Variants in ZNF846 observed in about 807,000 individuals in gnomAD.
ZNF846 encodes the protein zinc finger protein 846, also known as zinc finger protein 420 pseudogene.
In ZNF846, 15 loss-of-function variants were observed where a neutral mutation model predicts 16.0. That is an observed-to-expected ratio of 0.94 (90% CI 0.63 to 1.45). The LOEUF (loss-of-function observed/expected upper bound fraction) is 1.45, where lower values mean the gene tolerates loss of function less well. Among genes scored for constraint, ZNF846 ranks in the 40% most tolerant of loss-of-function variants. The pLI, the probability that ZNF846 is intolerant of heterozygous loss-of-function variation, is 0.00. For missense variants in ZNF846, 714 were observed against 622.3 expected (o/e 1.15, Z -1.57); for synonymous variants, 229 against 212.0 (o/e 1.08, Z -0.70).
intron 1 of ZNF846, among the ~76,000 whole-genome samples, chr19:9,783,526 TAAAA>T (rs1161223088): frequency 0.027 from 2,861 of 106,088 alleles, 149 homozygotes; most frequent in African/African-American, 0.096. Context: ...GTCTCATCAC[TAAAA>T]AAAAAAAAAA....
intron 4 of ZNF846, among the ~76,000 whole-genome samples, chr19:9,760,196 G>A (rs2045202258): frequency 6.6e-6 from 1 of 151,344 alleles, no homozygotes; most frequent in South Asian, 2.1e-4. Flanking sequence ...AGGAGGCTGA[G>A]GCAGGAGAAT....
intron 4 of ZNF846, among the ~76,000 whole-genome samples, chr19:9,761,743 C>A (rs2045233351): frequency 6.6e-6 from 1 of 151,470 alleles, no homozygotes; most frequent in Admixed American, 6.6e-5. Context: ...ACTTATTATC[C>A]AACTAATAAT....
At chr19:9,763,711 CAAAT>C (rs2045267903) in intron 2 of ZNF846, among the ~76,000 whole-genome samples, 1 of 152,144 alleles carries the variant, frequency 6.6e-6, no homozygotes, top group South Asian at 2.1e-4. Context: ...AATCTAATAA[CAAAT>C]GAATTATCTC....
rs192625431 is a variant in ZNF846 at position 9,782,735 on chromosome 19, T to C, written c.-86+3203A>G. Among the ~76,000 whole-genome samples the C allele has an allele frequency of 1.6e-4, 24 of 152,330 alleles. 1 individual carries two copies. The South Asian group carries it at 2.7e-3, about 17-fold the overall frequency. ...TGTGTCTGTTACATTAGGTTACCCA[T>C]AAATACACAGCTAGATGGAAAAGAA... On this transcript the variant is annotated intron_variant, in intron 1 of 4. Coordinates refer to the ZNF846 transcript ENST00000586814.
downstream of ZNF846, among the ~76,000 whole-genome samples, chr19:9,753,998 T>G (rs1369998067): frequency 6.6e-6 from 1 of 151,734 alleles, no homozygotes; most frequent in Non-Finnish European, 1.5e-5. Context: ...CCAATTGTTA[T>G]GCAGAATTGT....
rs113160573 is a variant in ZNF846, at chr19:9,777,149, G to GCACA, written c.-86+8785_-86+8788dup. ...AGAACGAAAGAAAACACACACACAC[G>GCACA]CACACACACACACACACACACACAC... On this transcript the variant is annotated intron_variant, in intron 1 of 4. Transcript: ENST00000586814. Among the ~76,000 whole-genome samples, 212 of 131,738 alleles carry GCACA rather than the reference G, an allele frequency of 1.6e-3. 1 individual carries two copies. The highest frequency in any genetic ancestry group is 7.2e-3 in the Middle Eastern group (2 of 278). The allele number at this position is 131,738 out of a possible 152,430, so 86.4% of individuals were successfully genotyped here. A position where few individuals can be genotyped will look rare whatever the true frequency, so the allele number is the denominator to read the frequency against.
At chr19:9,758,617 T>A in exon 6 of ZNF846, 1 of 1,613,186 alleles carries the variant, frequency 6.2e-7, no homozygotes, top group Non-Finnish European at 8.5e-7. Context: ...TGAGGAAAGT[T>A]CTTTCTTAAG....
chr19:9,769,510 C>G (rs1599396480), upstream of ZNF846, among the ~76,000 whole-genome samples: 2 of 151,788 alleles, frequency 1.3e-5, no homozygotes, highest in Non-Finnish European at 2.9e-5. Flanking sequence ...GGATTATAGG[C>G]GTGAGCCACC....
chr19:9,766,853 T>C (rs2045322962), intron 1 of ZNF846, among the ~76,000 whole-genome samples: 1 of 143,380 alleles, frequency 7.0e-6, no homozygotes. Context: ...TGAGCCGAGA[T>C]CATGCCACTG....
At chr19:9,750,384 C>G (rs548361968), downstream of ZNF846, among the ~76,000 whole-genome samples, 1 of 152,264 alleles carries the variant, frequency 6.6e-6, no homozygotes, top group Non-Finnish European at 1.5e-5. Context: ...CGCAGTTGCA[C>G]CATCAATCCC....
intron 1 of ZNF846, among the ~76,000 whole-genome samples, chr19:9,779,154 C>T (rs141169835): frequency 3.3e-5 from 5 of 152,214 alleles, no homozygotes; most frequent in Admixed American, 3.3e-4. Flanking sequence ...TCATGTGAGA[C>T]GATTTAACTC....
At chr19:9,761,416 C>T (rs943600523) in intron 4 of ZNF846, among the ~76,000 whole-genome samples, 4 of 151,600 alleles carry the variant, frequency 2.6e-5, no homozygotes, top group Middle Eastern at 3.4e-3. Context: ...AGAAGTTTTG[C>T]AATGGTAAAG....
At chr19:9,777,198 G>A (rs546845433) in intron 1 of ZNF846, among the ~76,000 whole-genome samples, 15 of 151,478 alleles carry the variant, frequency 9.9e-5, no homozygotes, top group Non-Finnish European at 1.6e-4. Context: ...CAAGCATGGT[G>A]GCTTGCACCT....
downstream of ZNF846, among the ~76,000 whole-genome samples, chr19:9,754,793 T>C (rs1161841011): frequency 1.3e-5 from 2 of 151,398 alleles, no homozygotes; most frequent in Non-Finnish European, 2.9e-5. Flanking sequence ...TGATTTGTTT[T>C]TTTAGTGACA....
At chr19:9,776,883 G>A (rs1316823209) in intron 1 of ZNF846, among the ~76,000 whole-genome samples, 1 of 152,028 alleles carries the variant, frequency 6.6e-6, no homozygotes, top group African/African-American at 2.4e-5. Context: ...GGGAGCTTAT[G>A]TGCTAGGTGA....
intron 1 of ZNF846, among the ~76,000 whole-genome samples, chr19:9,766,301 C>T (rs1236005019): frequency 1.3e-5 from 2 of 151,296 alleles, no homozygotes; most frequent in Non-Finnish European, 2.9e-5. Flanking sequence ...GTAATCCCAG[C>T]TACTCGGGAG....
intron 1 of ZNF846, among the ~76,000 whole-genome samples, chr19:9,767,950 C>T (rs765313719): frequency 2.5e-4 from 38 of 151,976 alleles, no homozygotes; most frequent in Non-Finnish European, 1.0e-4. Context: ...TGTATATATA[C>T]GAGAGGAAAA....
intron 5 of ZNF846, among the ~76,000 whole-genome samples, 175 bp from the exon 6 acceptor site, chr19:9,758,939 GC>G (rs957518153): frequency 3.3e-5 from 5 of 151,712 alleles, no homozygotes; most frequent in African/African-American, 1.2e-4. Flanking sequence ...GGACAATGAG[GC>G]CACCAGCCTG....
chr19:9,771,765 G>A (rs750131275), upstream of ZNF846, among the ~76,000 whole-genome samples: 2 of 151,154 alleles, frequency 1.3e-5, no homozygotes, highest in East Asian at 3.9e-4. Context: ...GTGTGCAAGT[G>A]TCCTTTTTTT....
Sources: gnomAD v4.1 joint callset for allele counts (sites outside exome capture counted in the v4.1 genomes callset) on GRCh38, gnomAD v4.1.1 for gene constraint, MANE v1.5 for transcripts, NCBI Gene and HGNC (gene_info 2026-07-23, HGNC 2026-07-21) for gene names.